PIGK: variants seen among roughly 807,000 people sequenced by gnomAD.
PIGK encodes the protein GPI-anchor transamidase.
Under a neutral mutation model 50.6 loss-of-function variants are expected in PIGK, and 42 were observed. The ratio of observed to expected loss-of-function variants is 0.83; its 90% CI spans 0.65 to 1.07. PIGK has a LOEUF of 1.07. Ranked by LOEUF, PIGK falls within the 50% of genes least tolerant of loss-of-function variation. The pLI, the probability that PIGK is intolerant of heterozygous loss-of-function variation, is 0.00. For synonymous variants in PIGK, 151 were observed against 156.0 expected, an observed-to-expected ratio of 0.97 and a Z score of 0.24; for missense variants, 448 against 488.7, an observed-to-expected ratio of 0.92 and a Z score of 0.78.
intron 9 of PIGK, among the ~76,000 whole-genome samples, chr1:77,134,060 G>A (rs770768015): frequency 1.3e-5 from 2 of 152,190 alleles, no homozygotes; most frequent in African/African-American, 2.4e-5. Flanking sequence ...AAGCAGCCAT[G>A]ATGATATGTA....
At chr1:77,175,913 A>C (rs1253697791) in intron 3 of PIGK, among the ~76,000 whole-genome samples, 1 of 152,146 alleles carries the variant, frequency 6.6e-6, no homozygotes, top group Non-Finnish European at 1.5e-5. Context: ...ATAAAGTTTT[A>C]TTAAAAATTG....
chr1:77,194,773 C>T, intron 3 of PIGK: 1 of 356,780 alleles, frequency 2.8e-6, no homozygotes, highest in South Asian at 2.3e-5. Context: ...TGCATATGTA[C>T]CTCCTGAACC....
Position 77,202,093 on chromosome 1 carries a change from AC to A in PIGK, c.239+4546del, listed in dbSNP as rs1162708818. ...ACCTGACTAAAAACAACCAGACTATACAGCACTGTTAGCTCAGTGGGGGTTG... is the reference window on the plus strand; with the variant it reads ...ACCTGACTAAAAACAACCAGACTATAAGCACTGTTAGCTCAGTGGGGGTTG... On this transcript the variant is annotated intron_variant, in intron 3 of 10. Coordinates refer to ENST00000370812, the MANE Select transcript of PIGK (RefSeq NM_005482.3). 4.6e-5 allele frequency among the ~76,000 whole-genome samples: 7 copies of A among 152,206 alleles called. No individual in the cohort carries two copies. In the East Asian group the frequency reaches 1.2e-3, roughly 25 times the overall value.
chr1:77,174,625 G>A (rs1242528841), intron 3 of PIGK, among the ~76,000 whole-genome samples: 1 of 152,160 alleles, frequency 6.6e-6, no homozygotes, highest in African/African-American at 2.4e-5. Flanking sequence ...GAGAAAGCAT[G>A]CTCTTGGCCA....
At chr1:77,197,419 T>C (rs1483201847) in intron 3 of PIGK, among the ~76,000 whole-genome samples, 1 of 152,138 alleles carries the variant, frequency 6.6e-6, no homozygotes, top group African/African-American at 2.4e-5. Context: ...TAATAATAGG[T>C]AGAACTTCAG....
chr1:77,195,954 TA>T (rs1162278756), intron 3 of PIGK, among the ~76,000 whole-genome samples: 8 of 152,132 alleles, frequency 5.3e-5, no homozygotes, highest in African/African-American at 9.7e-5. Flanking sequence ...TAGTATTCAA[TA>T]GGTAGTTTTT....
At chr1:77,096,634 T>G (rs1570176282) in intron 10 of PIGK, among the ~76,000 whole-genome samples, 1 of 152,312 alleles carries the variant, frequency 6.6e-6, no homozygotes, top group East Asian at 1.9e-4. Flanking sequence ...CACAGACTCA[T>G]GACGGAGCCT....
intron 10 of PIGK, among the ~76,000 whole-genome samples, chr1:77,104,139 A>T (rs1653612968): frequency 6.6e-6 from 1 of 152,154 alleles, no homozygotes. Context: ...AATAAAACAA[A>T]AATCTAAAGT....
At chr1:77,094,778 C>A (rs7546997) in intron 10 of PIGK, among the ~76,000 whole-genome samples, 4,855 of 152,170 alleles carry the variant, frequency 0.032, 258 homozygotes, top group African/African-American at 0.11. Context: ...ACCCATTATT[C>A]CACAGGCTGG....
intron 10 of PIGK, among the ~76,000 whole-genome samples, chr1:77,121,365 C>T (rs1383253671): frequency 6.6e-6 from 1 of 152,094 alleles, no homozygotes; most frequent in Non-Finnish European, 1.5e-5. Context: ...TAATTTCTCA[C>T]AGAATTGCAA....
chr1:77,148,721 G>GT (rs35128622), intron 9 of PIGK, among the ~76,000 whole-genome samples: 178 of 144,776 alleles, frequency 1.2e-3, no homozygotes, highest in East Asian at 2.6e-3. Context: ...TTGTTTTTTG[G>GT]TTTTTTTTTT....
chr1:77,110,125 G>C (rs1450613903), intron 10 of PIGK, among the ~76,000 whole-genome samples: 1 of 152,178 alleles, frequency 6.6e-6, no homozygotes, highest in Non-Finnish European at 1.5e-5. Flanking sequence ...ACAAACAAAT[G>C]GAAGACTATT....
At chr1:77,112,598 C>G (rs145373744) in intron 10 of PIGK, among the ~76,000 whole-genome samples, 2 of 152,222 alleles carry the variant, frequency 1.3e-5, no homozygotes, top group African/African-American at 4.8e-5. Flanking sequence ...TTTCCTTTAA[C>G]TAAGATGTTA....
intron 3 of PIGK, among the ~76,000 whole-genome samples, chr1:77,175,665 G>A (rs960503976): frequency 1.3e-5 from 2 of 152,100 alleles, no homozygotes; most frequent in Admixed American, 6.5e-5. Context: ...GCTAAATGTT[G>A]AGCAAGTTGT....
At chr1:77,125,401 T>G (rs1411414709) in intron 9 of PIGK, among the ~76,000 whole-genome samples, 2 of 152,198 alleles carry the variant, frequency 1.3e-5, no homozygotes, top group Non-Finnish European at 2.9e-5. Flanking sequence ...CCAAATGCAA[T>G]TCACAAGTAA....
chr1:77,189,842 A>C (rs1294921794), intron 3 of PIGK, among the ~76,000 whole-genome samples: 1 of 150,980 alleles, frequency 6.6e-6, no homozygotes, highest in Non-Finnish European at 1.5e-5. Flanking sequence ...GAGAACCCTA[A>C]TACAACTCAG....
At chr1:77,150,852 T>TA (rs1654880476) in intron 9 of PIGK, among the ~76,000 whole-genome samples, 1 of 151,772 alleles carries the variant, frequency 6.6e-6, no homozygotes, top group South Asian at 2.1e-4. Context: ...AAAATAGTAG[T>TA]AAAAAATCTC....
chr1:77,124,386 A>ATCTC (rs1191248106), intron 9 of PIGK, among the ~76,000 whole-genome samples: 1 of 152,156 alleles, frequency 6.6e-6, no homozygotes, highest in East Asian at 1.9e-4. Context: ...AGGCGGGTGC[A>ATCTC]TCTCTTGAAG....
chr1:77,142,799 C>T (rs910918899), intron 9 of PIGK, among the ~76,000 whole-genome samples: 5 of 152,128 alleles, frequency 3.3e-5, no homozygotes, highest in Admixed American at 6.5e-5. Flanking sequence ...TCTCTCCACA[C>T]ATGGGGATTA....
Sources: allele counts gnomAD v4.1 joint callset (sites outside exome capture counted in the v4.1 genomes callset), GRCh38; gene constraint gnomAD v4.1.1; transcripts MANE v1.5; gene names NCBI Gene and HGNC (gene_info 2026-07-23, HGNC 2026-07-21).